Variants in ERCC5 observed in about 807,000 individuals in gnomAD.
The protein encoded by ERCC5 is ERCC excision repair 5, endonuclease.
ERCC5 carries 68 observed loss-of-function variants against 105.6 expected under a neutral mutation model. That is an observed-to-expected ratio of 0.64 (90% CI 0.53 to 0.79). ERCC5 has a LOEUF of 0.79. Among genes scored for constraint, ERCC5 ranks in the 30% least tolerant of loss-of-function variants. The pLI is 0.00. For synonymous variants in ERCC5, 546 were observed against 526.2 expected (o/e 1.04, Z -0.51); for missense variants, 1,373 against 1,426.7 (o/e 0.96, Z 0.61).
intron 14 of ERCC5, among the ~76,000 whole-genome samples, chr13:102,873,603 T>C (rs1460726308): frequency 6.6e-6 from 1 of 152,230 alleles, no homozygotes; most frequent in Admixed American, 6.5e-5. Flanking sequence ...ATAACTGATT[T>C]CACACTAAGG....
In ERCC5 at chr13:102,859,931, A is replaced by G. The variant is rs4150307; in HGVS notation, c.672+1513A>G. 4.0e-3 allele frequency among the ~76,000 whole-genome samples: 616 copies of G among 152,356 alleles called. 4 individuals carry two copies. The highest frequency in any genetic ancestry group is 0.013 in the African/African-American group (556 of 41,588). ...GGAAACTTTCAGAAATAAACAATTC[A>G]TAAGTTTTAAGTTGCACACCATTCT... is the stretch of plus-strand genomic sequence containing the variant. On this transcript the variant is annotated intron_variant, in intron 6 of 14. Coordinates refer to ENST00000652225, the MANE Select transcript of ERCC5 (RefSeq NM_000123.4).
In ERCC5 at chr13:102,875,250, T is replaced by C. The variant is rs1012019456; in HGVS notation, c.2965-57T>C. 6 of 1,576,224 alleles carry C rather than the reference T, an allele frequency of 3.8e-6. No homozygotes were observed. In the East Asian group the frequency reaches 1.4e-4, roughly 37 times the overall value. On this transcript the variant is annotated intron_variant, in intron 14 of 14. Transcript: ENST00000652225. ...CAAGGTTGAGCTTGTTGATTTGGTT[T>C]AGAAACTTGACTTACTTGTCTGATT...
At chr13:102,857,850 A>T (rs1882481897) in intron 5 of ERCC5, among the ~76,000 whole-genome samples, 1 of 152,130 alleles carries the variant, frequency 6.6e-6, no homozygotes, top group Non-Finnish European at 1.5e-5. Context: ...TATCAAATAG[A>T]TCTTTTTTTC....
At chr13:102,864,126 C>CCCCACACACACA (rs1555326403) in intron 8 of ERCC5, among the ~76,000 whole-genome samples, 2 of 140,918 alleles carry the variant, frequency 1.4e-5, no homozygotes, top group Non-Finnish European at 3.1e-5. Flanking sequence ...AGAGAATCAA[C>CCCCACACACACA]CACACACACA....
intron 9 of ERCC5, 155 bp downstream of exon 9, chr13:102,866,066 G>A: frequency 6.7e-7 from 1 of 1,499,124 alleles, no homozygotes; most frequent in South Asian, 1.2e-5. Flanking sequence ...TACTGGCTGG[G>A]ATAGACTCCG....
intron 2 of ERCC5, among the ~76,000 whole-genome samples, chr13:102,853,042 C>G (rs924938181): frequency 6.6e-6 from 1 of 152,096 alleles, no homozygotes; most frequent in Admixed American, 6.5e-5. Flanking sequence ...CAGATACTCT[C>G]TAAATGAGGA....
intron 1 of ERCC5, among the ~76,000 whole-genome samples, chr13:102,849,882 C>G (rs1189924968): frequency 6.6e-6 from 1 of 151,872 alleles, no homozygotes; most frequent in Admixed American, 6.6e-5. Context: ...TGTTCTTTTC[C>G]TATGTTAGAA....
intron 4 of ERCC5, 74 bp downstream of exon 4, chr13:102,854,448 A>G: frequency 7.2e-7 from 1 of 1,398,320 alleles, no homozygotes; most frequent in East Asian, 2.4e-5. Context: ...TTGATGTGTT[A>G]TCTACATGAT....
chr13:102,867,389 G>A (rs937876235), intron 11 of ERCC5, among the ~76,000 whole-genome samples: 5 of 152,240 alleles, frequency 3.3e-5, no homozygotes, highest in African/African-American at 7.2e-5. Flanking sequence ...TGCAGGTGCT[G>A]TTTCAGAGAG....
At chr13:102,867,744 C>T (rs1170780058) in intron 11 of ERCC5, among the ~76,000 whole-genome samples, 1 of 152,022 alleles carries the variant, frequency 6.6e-6, no homozygotes, top group Non-Finnish European at 1.5e-5. Flanking sequence ...AAGGAGGGAG[C>T]ACAGTGGAGG....
At chr13:102,850,671 G>T (rs1252942177) in intron 1 of ERCC5, among the ~76,000 whole-genome samples, 1 of 152,188 alleles carries the variant, frequency 6.6e-6, no homozygotes, top group Non-Finnish European at 1.5e-5. Flanking sequence ...CTGAGATGGG[G>T]GCATGAGCAG....
intron 10 of ERCC5, 56 bp downstream of exon 10, chr13:102,866,437 T>G: frequency 6.2e-7 from 1 of 1,613,510 alleles, no homozygotes; most frequent in South Asian, 1.1e-5. Context: ...CCTGGGGGAA[T>G]GCACTGCATG....
rs1345955207 is a variant in ERCC5 at position 102,863,116 on chromosome 13, G to A, written c.1954+13G>A. On this transcript the variant is annotated intron_variant, in intron 8 of 14. Coordinates refer to ENST00000652225, the MANE Select transcript of ERCC5 (RefSeq NM_000123.4). ...AGTGAATCTGATGGTACGTGTCTGTGCTTTTGTAGAAATCTGGAACGGTAG... is the reference window on the plus strand; with the variant it reads ...AGTGAATCTGATGGTACGTGTCTGTACTTTTGTAGAAATCTGGAACGGTAG... The A allele has an allele frequency of 6.2e-7, 1 of 1,611,352 alleles. No individual in the cohort carries two copies.
chr13:102,854,645 T>C (rs1009159249), intron 4 of ERCC5, among the ~76,000 whole-genome samples: 1 of 152,248 alleles, frequency 6.6e-6, no homozygotes, highest in African/African-American at 2.4e-5. Flanking sequence ...GCATGAATTT[T>C]AGTTTTGCTT....
In ERCC5 at chr13:102,872,199, GA is replaced by G; in HGVS notation, c.2682del (p.Glu894AspfsTer12). On this transcript the variant is annotated frameshift_variant and splice_region_variant, in exon 13 of 15. Coordinates refer to ENST00000652225, the MANE Select transcript of ERCC5 (RefSeq NM_000123.4). LOFTEE classifies it high-confidence loss of function. ...HGLEPLLKFSEWWHEAQKNPK... is the reference protein window; with the variant it reads ...HGLEPLLKFSXWWHEAQKNPK... ...GTAATTGTTTCCTTTATTTTACAGA[GA>G]ATGGTGGCATGAAGCTCAAAAAAAT... 1 of 1,613,878 alleles carries G rather than the reference GA, an allele frequency of 6.2e-7. No individual in the cohort carries two copies. Among genetic ancestry groups the G allele is most frequent in the Non-Finnish European group, 8.5e-7 (1 of 1,179,926 alleles).
chr13:102,872,174 G>A (rs770087902), intron 12 of ERCC5, 24 bp from the exon 13 acceptor site: 1 of 1,611,348 alleles, frequency 6.2e-7, no homozygotes, highest in Non-Finnish European at 8.5e-7. Context: ...TGCTGTGTAA[G>A]TAATTGTTTC....
At chr13:102,853,911 T>A (rs1882299199) in intron 3 of ERCC5, 39 bp downstream of exon 3, 3 of 1,587,356 alleles carry the variant, frequency 1.9e-6, no homozygotes, top group Non-Finnish European at 2.6e-6. Flanking sequence ...GATGAAGTTT[T>A]AAAAAAGTGA....
intron 10 of ERCC5, 62 bp from the exon 11 acceptor site, chr13:102,866,570 C>T (rs568064517): frequency 1.7e-5 from 27 of 1,604,780 alleles, no homozygotes; most frequent in Middle Eastern, 2.2e-4. Flanking sequence ...CACTGCTCCC[C>T]CTGTGCTCAG....
At chr13:102,850,414 T>C (rs1882160949) in intron 1 of ERCC5, among the ~76,000 whole-genome samples, 1 of 152,072 alleles carries the variant, frequency 6.6e-6, no homozygotes, top group South Asian at 2.1e-4. Context: ...TTTCTGGGTT[T>C]GAGGAAAGCC....
Sources: allele counts gnomAD v4.1 joint callset (sites outside exome capture counted in the v4.1 genomes callset), GRCh38; gene constraint gnomAD v4.1.1; transcripts MANE v1.5; gene names NCBI Gene and HGNC (gene_info 2026-07-23, HGNC 2026-07-21).